The following MCF2L2 variants were observed in gnomAD, a reference collection of about 807,000 sequenced individuals.
MCF2L2 encodes probable guanine nucleotide exchange factor MCF2L2.
MCF2L2 carries 102 observed loss-of-function variants against 150.2 expected under a neutral mutation model. The observed-to-expected ratio is 0.68, with a 90% CI of 0.58 to 0.80. The LOEUF is 0.80. Among genes scored for constraint, MCF2L2 ranks in the 30% least tolerant of loss-of-function variants. The pLI, the probability that MCF2L2 is intolerant of heterozygous loss-of-function variation, is 0.00. For synonymous variants in MCF2L2, 465 were observed against 491.3 expected (o/e 0.95, Z 0.71); for missense variants, 1,256 against 1,372.8 (o/e 0.91, Z 1.34).
At chr3:183,290,883 C>T (rs1211575365) in intron 13 of MCF2L2, among the ~76,000 whole-genome samples, 1 of 152,150 alleles carries the variant, frequency 6.6e-6, no homozygotes, top group Non-Finnish European at 1.5e-5. Flanking sequence ...TTGAATGCCA[C>T]CAATATATCA....
At position 183,179,664 on chromosome 3, in the gene MCF2L2, C is replaced by T; in HGVS notation, c.3134G>A (p.Ser1045Asn). Reference sequence around the variant, plus strand: ...AGATTTGGAGGAACAGGTTTCGTGACTGTCGTCCGACTGGAAAAGGCCCGC... The same window carrying T: ...AGATTTGGAGGAACAGGTTTCGTGATTGTCGTCCGACTGGAAAAGGCCCGC... ...SLAGLFQSDD[S>N]HETCSSKSAF... The change falls in exon 29 of 30, where the codon AGT (serine) becomes AAT (asparagine). Residue 1045 changes from serine (S) to asparagine (N), a missense_variant. Ser to Asn is a conservative substitution (Grantham distance 46). Transcript: ENST00000328913. The surrounding 1 kb of genome is among the most constrained non-coding windows in gnomAD (Gnocchi z 4.2). The T allele has an allele frequency of 6.2e-7, 1 of 1,614,156 alleles. No individual in the cohort carries two copies. Among genetic ancestry groups the T allele is most frequent in the Non-Finnish European group, 8.5e-7 (1 of 1,179,986 alleles).
chr3:183,345,918 G>A (rs2108546481), intron 3 of MCF2L2, among the ~76,000 whole-genome samples: 1 of 152,208 alleles, frequency 6.6e-6, no homozygotes, highest in South Asian at 2.1e-4. Context: ...TGAAATTGAG[G>A]CAGTAGTTAA....
chr3:183,230,487 T>C (rs569273921), intron 16 of MCF2L2, among the ~76,000 whole-genome samples: 2 of 152,356 alleles, frequency 1.3e-5, no homozygotes, highest in South Asian at 4.1e-4. Context: ...ATTCCCTTTT[T>C]ATGGACATTT....
In MCF2L2 at chr3:183,379,386, G is replaced by A; in HGVS notation, c.186C>T (p.Pro62=). 1 of 1,610,404 alleles carries A rather than the reference G, an allele frequency of 6.2e-7. No individual in the cohort carries two copies. The highest frequency in any genetic ancestry group is 2.2e-5 in the East Asian group (1 of 44,494). The change falls in exon 3 of 30, where the codon CCC becomes CCT. Residue 62 remains proline (P), a synonymous_variant. Transcript: ENST00000328913. ...CCGAAAACTCTGGGAACGTGATGAT[G>A]GGGGCGCCATCCTCCCCTCGGCCTC... ...LSGGRGEDGA[P]IITFPEFSGF...
At chr3:183,427,794 G>T (rs1332128474) in intron 1 of MCF2L2, 108 bp downstream of exon 1, 8 of 944,256 alleles carry the variant, frequency 8.5e-6, no homozygotes, top group Non-Finnish European at 8.4e-6. Flanking sequence ...AACCCCCCAG[G>T]AAGCGCGCTG....
Position 183,297,193 on chromosome 3 carries a change from G to A in MCF2L2, c.1306-26C>T, listed in dbSNP as rs367859755. ...CTTTTGGAAAGAAACAGTGCCCTGT[G>A]CACTTCGCCTGACCACAACTCAGAG... On this transcript the variant is annotated intron_variant, in intron 11 of 29. Transcript: ENST00000328913. The A allele has an allele frequency of 2.1e-5, 34 of 1,602,216 alleles. No individual in the cohort carries two copies. In the African/African-American group the frequency reaches 4.3e-4, roughly 20 times the overall value.
chr3:183,203,490 A>C (rs567732538), intron 25 of MCF2L2, among the ~76,000 whole-genome samples: 2 of 152,326 alleles, frequency 1.3e-5, no homozygotes, highest in Non-Finnish European at 2.9e-5. Flanking sequence ...AGCAGGCAGA[A>C]GAAAGAATTA....
intron 1 of MCF2L2, among the ~76,000 whole-genome samples, chr3:183,403,386 T>C (rs34262591): frequency 0.36 from 54,438 of 151,854 alleles, 9,891 homozygotes; most frequent in Middle Eastern, 0.41. Flanking sequence ...TAAGAGAGAG[T>C]GAGATTGTAT....
intron 5 of MCF2L2, among the ~76,000 whole-genome samples, chr3:183,327,093 G>C (rs974795739): frequency 6.6e-6 from 1 of 152,068 alleles, no homozygotes; most frequent in African/African-American, 2.4e-5. Context: ...TTGGGGGGCC[G>C]AGGCAGGCAG....
chr3:183,333,046 T>A (rs1440025903), intron 5 of MCF2L2, among the ~76,000 whole-genome samples: 1 of 152,060 alleles, frequency 6.6e-6, no homozygotes, highest in Non-Finnish European at 1.5e-5. Context: ...CAGGGTAATT[T>A]TATTTTTATT....
At chr3:183,406,447 T>C (rs1029362960) in intron 1 of MCF2L2, among the ~76,000 whole-genome samples, 2 of 152,222 alleles carry the variant, frequency 1.3e-5, no homozygotes, top group Admixed American at 1.3e-4. Context: ...GAGTTCTTTT[T>C]ATACATTCTG....
intron 3 of MCF2L2, among the ~76,000 whole-genome samples, chr3:183,361,118 A>AAAAG (rs1712172652): frequency 2.0e-5 from 3 of 147,718 alleles, no homozygotes; most frequent in African/African-American, 5.3e-5. Context: ...AAGAAAAAAG[A>AAAAG]AAAAGAAAAG....
At chr3:183,276,649 C>A (rs190855524) in intron 15 of MCF2L2, 6 of 439,704 alleles carry the variant, frequency 1.4e-5, no homozygotes, top group Non-Finnish European at 2.4e-5. Context: ...ACACTGTATT[C>A]TTAGAAGTTT....
At chr3:183,341,503 T>G (rs778509867) in intron 4 of MCF2L2, 37 bp downstream of exon 4, 6 of 1,464,974 alleles carry the variant, frequency 4.1e-6, no homozygotes, top group Non-Finnish European at 5.7e-6. Context: ...ACAATTTAAA[T>G]GACTTTTATA....
At chr3:183,192,383 C>T (rs948831938) in intron 27 of MCF2L2, among the ~76,000 whole-genome samples, 5 of 152,178 alleles carry the variant, frequency 3.3e-5, no homozygotes, top group Admixed American at 2.6e-4. Context: ...AGGTGATCCA[C>T]CCACCTCGGC....
At chr3:183,330,062 CCT>C (rs893609549) in intron 5 of MCF2L2, among the ~76,000 whole-genome samples, 10 of 150,548 alleles carry the variant, frequency 6.6e-5, no homozygotes, top group South Asian at 2.1e-4. Flanking sequence ...CAAGGAAACC[CCT>C]GTCTCTACAA....
At chr3:183,371,465 C>CTT (rs56835227) in intron 3 of MCF2L2, among the ~76,000 whole-genome samples, 56 of 126,020 alleles carry the variant, frequency 4.4e-4, no homozygotes, top group Middle Eastern at 4.2e-3. Context: ...TCTGAGAAGC[C>CTT]TTTTTTTTTT....
rs1434307844 is a variant in MCF2L2, at chr3:183,338,885, A to G, written c.401T>C (p.Ile134Thr). ...CTGGATAAAGCGAGATGGACGAAGGATGAATATGAGCTGTAAGTTTCCTGG... is the reference window on the plus strand; with the variant it reads ...CTGGATAAAGCGAGATGGACGAAGGGTGAATATGAGCTGTAAGTTTCCTGG... ...AFPGNLQLIF[I>T]LRPSRFIQRT... The change falls in exon 5 of 30, where the codon ATC becomes ACC. Residue 134 changes from isoleucine to threonine, a missense_variant. Transcript: ENST00000328913. 11 of 1,607,554 alleles carry G rather than the reference A, an allele frequency of 6.8e-6. No individual in the cohort carries two copies. The highest frequency in any genetic ancestry group is 8.5e-6 in the Non-Finnish European group (10 of 1,175,236).
intron 1 of MCF2L2, among the ~76,000 whole-genome samples, chr3:183,393,174 T>C (rs892443653): frequency 6.6e-6 from 1 of 150,994 alleles, no homozygotes; most frequent in Non-Finnish European, 1.5e-5. Flanking sequence ...CATGCACAGA[T>C]TAGGGAGAAA....
Sources: allele counts gnomAD v4.1 joint callset (sites outside exome capture counted in the v4.1 genomes callset), GRCh38; gene constraint gnomAD v4.1.1; non-coding constraint Gnocchi (gnomAD v3.1); transcripts MANE v1.5; gene names NCBI Gene and HGNC (gene_info 2026-07-23, HGNC 2026-07-21).